Variants in MTOR observed in about 807,000 individuals in gnomAD.
MTOR encodes the protein serine/threonine-protein kinase mTOR.
In MTOR, 70 loss-of-function variants were observed where a neutral mutation model predicts 319.8. The ratio of observed to expected loss-of-function variants is 0.22; its 90% CI spans 0.18 to 0.27. MTOR has a LOEUF of 0.27. Ranked by LOEUF, MTOR falls within the 10% of genes least tolerant of loss-of-function variation. MTOR has a pLI of 1.00. For synonymous variants in MTOR, 1,183 were observed against 1,211.4 expected (o/e 0.98, Z 0.49); for missense variants, 1,890 against 3,274.4 (o/e 0.58, Z 10.32).
intron 50 of MTOR, among the ~76,000 whole-genome samples, chr1:11,116,137 C>T (rs1050391718): frequency 2.6e-5 from 4 of 152,172 alleles, no homozygotes; most frequent in East Asian, 1.9e-4. Context: ...CTTGTGAGTC[C>T]GTTTCTGAAC....
chr1:11,169,548 G>A (rs1644747608), intron 28 of MTOR, among the ~76,000 whole-genome samples: 1 of 152,156 alleles, frequency 6.6e-6, no homozygotes, highest in Non-Finnish European at 1.5e-5. Context: ...AAGTTTGAGG[G>A]AGACACATCT....
intron 32 of MTOR, 61 bp downstream of exon 32, chr1:11,146,614 TG>T: frequency 7.7e-7 from 1 of 1,293,920 alleles, no homozygotes; most frequent in East Asian, 2.3e-5. Flanking sequence ...CAAAGCACCG[TG>T]GGCTTAGAAG....
chr1:11,204,683 C>T lies in MTOR; in HGVS notation c.3822G>A (p.Arg1274=). 1 of 1,614,108 alleles carries T rather than the reference C, an allele frequency of 6.2e-7. No homozygotes were observed. The highest frequency in any genetic ancestry group is 1.1e-5 in the South Asian group (1 of 91,068). ...NLQKAWGAAR[R]VSKDDWLEWL... ...ATTCCAGCCAGTCATCTTTGGAGAC[C>T]CTCCTGGCAGCGCCCCAGGCCTGTG... Residue 1274 remains arginine, a synonymous_variant, in exon 26 of 58, where the codon AGG becomes AGA. Coordinates refer to ENST00000361445, the MANE Select transcript of MTOR (RefSeq NM_004958.4).
rs374670621 is a variant in MTOR, at chr1:11,128,571, C to T, written c.5812-19G>A. 4.5e-4 allele frequency: 728 copies of T among 1,603,712 alleles called. 11 individuals carry two copies. In the South Asian group the frequency reaches 6.8e-3, roughly 15 times the overall value. On this transcript the variant is annotated intron_variant, in intron 41 of 57. Coordinates refer to ENST00000361445, the MANE Select transcript of MTOR (RefSeq NM_004958.4). The surrounding 1 kb of genome is among the most constrained non-coding windows in gnomAD (Gnocchi z 5.3). Reference sequence around the variant, plus strand: ...GTATAACCTGGTATTCAAAAAGACACAGTATGTAGCATATGAGACTTGAAA... The same window carrying T: ...GTATAACCTGGTATTCAAAAAGACATAGTATGTAGCATATGAGACTTGAAA...
At chr1:11,232,132 C>A (rs1339410154) in intron 16 of MTOR, among the ~76,000 whole-genome samples, 3 of 152,166 alleles carry the variant, frequency 2.0e-5, no homozygotes, top group African/African-American at 7.2e-5. Context: ...TAGGCAGTGG[C>A]CAAGGCTTTC....
chr1:11,145,389 T>C (rs148666121), intron 32 of MTOR: 1 of 266,152 alleles, frequency 3.8e-6, no homozygotes, highest in Non-Finnish European at 7.3e-6. Context: ...CTTTTTTTTT[T>C]CTTCTGAGAC....
At position 11,233,413 on chromosome 1, in the gene MTOR, T is replaced by C. The variant is rs142794621; in HGVS notation, c.2406A>G (p.Ile802Met). Residue 802 changes from isoleucine to methionine, a missense_variant, in exon 15 of 58, where the codon ATA becomes ATG. This residue lies in a region of MTOR where 377 missense variants were observed against 653.9 expected (regional missense o/e 0.58). Transcript: ENST00000361445. ...GCCCCTTTACCTGTGCCAATTCTCC[T>C]ATTGTTGCCAGGACATTATTGATCA... ...PGVINNVLAT[I>M]GELAQVSGLE... is the part of the protein sequence containing the mutation. The C allele has an allele frequency of 3.1e-6, 5 of 1,614,136 alleles. No individual in the cohort carries two copies. The highest frequency in any genetic ancestry group is 4.2e-6 in the Non-Finnish European group (5 of 1,179,994).
At chr1:11,166,623 G>C (rs1441300949) in intron 29 of MTOR, among the ~76,000 whole-genome samples, 1 of 152,172 alleles carries the variant, frequency 6.6e-6, no homozygotes, top group Non-Finnish European at 1.5e-5. Flanking sequence ...TGGAGAAATA[G>C]GAACACTGTT....
intron 28 of MTOR, among the ~76,000 whole-genome samples, chr1:11,169,350 G>C (rs1348345065): frequency 6.6e-6 from 1 of 152,178 alleles, no homozygotes; most frequent in African/African-American, 2.4e-5. Flanking sequence ...TCACTAACGG[G>C]GAAGCTAAAG....
intron 28 of MTOR, among the ~76,000 whole-genome samples, chr1:11,170,871 G>A (rs1050183500): frequency 1.3e-5 from 2 of 151,370 alleles, no homozygotes; most frequent in African/African-American, 4.9e-5. Context: ...GCCTTGGTAG[G>A]AGTAAAAAAT....
intron 32 of MTOR, 146 bp downstream of exon 32, chr1:11,146,527 TACA>T: frequency 1.5e-6 from 1 of 646,940 alleles, no homozygotes; most frequent in Non-Finnish European, 2.8e-6. Flanking sequence ...GTCTTCTGAG[TACA>T]ATGAATCAAA....
chr1:11,251,738 C>G (rs545202951), intron 6 of MTOR, among the ~76,000 whole-genome samples: 3 of 150,398 alleles, frequency 2.0e-5, no homozygotes, highest in Admixed American at 6.7e-5. Flanking sequence ...ACTCCCACCT[C>G]GGTCTCCCAG....
Position 11,237,861 on chromosome 1 carries a change from C to T in MTOR, c.2190G>A (p.Leu730=), listed in dbSNP as rs1371829155. ...CGGTTACCTGGATGAGCATCTTGCG[C>T]AGGAAAGGCATGACAAAGGCAGGGT... ...SMNPAFVMPF[L]RKMLIQILTE... Residue 730 remains leucine, a synonymous_variant, in exon 13 of 58, where the codon CTG becomes CTA. Transcript: ENST00000361445. The T allele has an allele frequency of 6.2e-7, 1 of 1,613,980 alleles. No individual in the cohort carries two copies. Among genetic ancestry groups the T allele is most frequent in the East Asian group, 2.2e-5 (1 of 44,878 alleles).
intron 26 of MTOR, among the ~76,000 whole-genome samples, chr1:11,200,377 A>G (rs1645920147): frequency 6.6e-6 from 1 of 152,212 alleles, no homozygotes; most frequent in Non-Finnish European, 1.5e-5. Context: ...TTTCTAAGCC[A>G]ACAGTTGGGG....
rs773318490 is a variant in MTOR at position 11,199,131 on chromosome 1, G to A, written c.4253+127C>T. 1.7e-5 allele frequency: 20 copies of A among 1,198,304 alleles called. No homozygotes were observed. Among genetic ancestry groups the A allele is most frequent in the African/African-American group, 3.0e-5 (2 of 66,062 alleles). The allele number at this position is 1,198,304 out of a possible 1,614,324, so 74.2% of individuals were successfully genotyped here. ...AACAACATGTCATTTAAACATGCTG[G>A]CCAGACCCAGAGGCAGATTTCACAG... On this transcript the variant is annotated intron_variant, in intron 28 of 57. Coordinates refer to ENST00000361445, the MANE Select transcript of MTOR (RefSeq NM_004958.4). The surrounding 1 kb of genome is among the most constrained non-coding windows in gnomAD (Gnocchi z 4.5).
chr1:11,114,274 T>C lies in MTOR; in HGVS notation c.7300+44A>G, dbSNP rs17235654. On this transcript the variant is annotated intron_variant, in intron 53 of 57. Coordinates refer to ENST00000361445, the MANE Select transcript of MTOR (RefSeq NM_004958.4). The stretch of plus-strand genomic sequence containing the variant: ...CCTCCCAAAATGTTAGGATTACAGG[T>C]GTGAGCCACTGAGCTCAGCTCCCAG... 0.039 allele frequency: 62,030 copies of C among 1,607,430 alleles called. 2,245 individuals carry two copies. The highest frequency in any genetic ancestry group is 0.13 in the African/African-American group (10,083 of 74,868).
Position 11,256,166 on chromosome 1 carries a change from G to A in MTOR, c.531C>T (p.Ile177=), listed in dbSNP as rs2100975399. The change falls in exon 5 of 58, where the codon ATC becomes ATT. Residue 177 remains isoleucine, a synonymous_variant. Transcript: ENST00000361445. ...AAVLVLRELA[I]SVPTFFFQQV... is the part of the protein sequence containing the mutation. ...GCTGGAAGAAGAAGGTAGGGACGCTGATGGCCAGCTCACGGAGAACCAGGA... is the reference window on the plus strand; with the variant it reads ...GCTGGAAGAAGAAGGTAGGGACGCTAATGGCCAGCTCACGGAGAACCAGGA... 2 of 1,614,132 alleles carry A rather than the reference G, an allele frequency of 1.2e-6. No individual in the cohort carries two copies. The highest frequency in any genetic ancestry group is 1.1e-5 in the South Asian group (1 of 91,068).
At position 11,160,616 on chromosome 1, in the gene MTOR, A is replaced by G. The variant is rs372245029; in HGVS notation, c.4330-3325T>C. On this transcript the variant is annotated intron_variant, in intron 29 of 57. Transcript: ENST00000361445. ...CCAGTTCTTAACCTGCTGGGACCAC[A>G]GTCTCCTCATCTGTAAAATGTGATA... 1.5e-4 allele frequency among the ~76,000 whole-genome samples: 23 copies of G among 152,328 alleles called. No individual in the cohort carries two copies. The East Asian group carries it at 4.0e-3, about 27-fold the overall frequency.
intron 19 of MTOR, among the ~76,000 whole-genome samples, chr1:11,216,593 G>C (rs1646477907): frequency 1.3e-5 from 2 of 151,182 alleles, no homozygotes. Context: ...GCTGTAGTGA[G>C]CTATGCACGT....
Sources: gnomAD v4.1 joint callset for allele counts (sites outside exome capture counted in the v4.1 genomes callset) on GRCh38, gnomAD v4.1.1 for gene constraint, gnomAD v4.1.1 regional missense constraint, Gnocchi (gnomAD v3.1) non-coding constraint, MANE v1.5 for transcripts, NCBI Gene and HGNC (gene_info 2026-07-23, HGNC 2026-07-21) for gene names.